The following CFAP58 variants were observed in gnomAD, a reference collection of about 807,000 sequenced individuals.
CFAP58 encodes the protein cilia and flagella associated protein 58, also known as cilia- and flagella-associated protein 58.
Under a neutral mutation model 119.5 loss-of-function variants are expected in CFAP58, and 88 were observed. The ratio of observed to expected loss-of-function variants is 0.74; its 90% CI spans 0.62 to 0.88. The LOEUF is 0.88. Among genes scored for constraint, CFAP58 ranks in the 40% least tolerant of loss-of-function variants. The pLI is 0.00. For missense variants in CFAP58, 990 were observed against 1,021.2 expected (o/e 0.97, Z 0.42); for synonymous variants, 365 against 366.3 (o/e 1.00, Z 0.04).
chr10:104,430,027 G>C (rs1398885748), intron 15 of CFAP58, among the ~76,000 whole-genome samples: 1 of 152,168 alleles, frequency 6.6e-6, no homozygotes, highest in Non-Finnish European at 1.5e-5. Flanking sequence ...GTGAGGGGTG[G>C]ATAGATGGGC....
chr10:104,378,069 T>C (rs2011706972), intron 8 of CFAP58, among the ~76,000 whole-genome samples: 1 of 152,260 alleles, frequency 6.6e-6, no homozygotes, highest in Admixed American at 6.5e-5. Flanking sequence ...TATTTGTTGA[T>C]TTGATTAATG....
intron 6 of CFAP58, among the ~76,000 whole-genome samples, chr10:104,369,806 T>A (rs1213029404): frequency 1.3e-5 from 2 of 152,234 alleles, no homozygotes; most frequent in Non-Finnish European, 2.9e-5. Context: ...TGAGCTGAGA[T>A]AATTGCTAAC....
chr10:104,385,299 A>C (rs966533094), intron 9 of CFAP58, among the ~76,000 whole-genome samples: 1 of 152,182 alleles, frequency 6.6e-6, no homozygotes, highest in Non-Finnish European at 1.5e-5. Flanking sequence ...GTCTAGACTT[A>C]TTGTTGTTGT....
intron 7 of CFAP58, among the ~76,000 whole-genome samples, chr10:104,376,275 TTAGA>T (rs377471550): frequency 9.2e-5 from 14 of 151,816 alleles, no homozygotes; most frequent in African/African-American, 3.4e-4. Flanking sequence ...CCCAGACCTC[TTAGA>T]TAGGAATTTG....
At chr10:104,338,961 A>G in the CFAP58 span, among the ~76,000 whole-genome samples, 2 of 148,520 alleles carry the variant, frequency 1.3e-5, no homozygotes, top group Non-Finnish European at 3.0e-5. Flanking sequence ...GCTGGAGTGC[A>G]ATGGTGGCGC....
At chr10:104,422,116 G>A (rs2012669284) in intron 15 of CFAP58, among the ~76,000 whole-genome samples, 2 of 152,310 alleles carry the variant, frequency 1.3e-5, no homozygotes, top group South Asian at 2.1e-4. Context: ...GAAGGTTGCA[G>A]TGAGTTGAGA....
chr10:104,389,877 C>T (rs960273576), intron 9 of CFAP58, among the ~76,000 whole-genome samples: 5 of 152,112 alleles, frequency 3.3e-5, no homozygotes, highest in East Asian at 1.9e-4. Context: ...AGGCCTAGCT[C>T]ACTTGGGAAA....
chr10:104,376,006 G>C (rs1343625105), intron 7 of CFAP58, among the ~76,000 whole-genome samples: 1 of 152,126 alleles, frequency 6.6e-6, no homozygotes, highest in Admixed American at 6.5e-5. Flanking sequence ...AGGGTACCTG[G>C]CTCTTTTTTG....
chr10:104,366,954 A>G (rs979745051), intron 5 of CFAP58, among the ~76,000 whole-genome samples: 9 of 151,588 alleles, frequency 5.9e-5, no homozygotes, highest in African/African-American at 2.2e-4. Context: ...TGCAACCTCC[A>G]CCTCCTGGGT....
chr10:104,356,169 T>C (rs904665057), intron 1 of CFAP58, among the ~76,000 whole-genome samples: 1 of 152,264 alleles, frequency 6.6e-6, no homozygotes, highest in Non-Finnish European at 1.5e-5. Context: ...AAATTAGTAC[T>C]AAAGTTGTTA....
chr10:104,357,894 TATATGTACACATATACACAC>T (rs1589906272), intron 1 of CFAP58, among the ~76,000 whole-genome samples: 2 of 118,330 alleles, frequency 1.7e-5, no homozygotes, highest in African/African-American at 8.3e-5. Context: ...TATATAAACA[TATATGTACACATATACACAC>T]ATATATGTAC....
In CFAP58 at chr10:104,393,751, A is replaced by T. The variant is rs118064182; in HGVS notation, c.1674+276A>T. Among the ~76,000 whole-genome samples, 1,102 of 152,332 alleles carry T rather than the reference A, an allele frequency of 7.2e-3. 11 individuals are homozygous for T. Among genetic ancestry groups the T allele is most frequent in the South Asian group, 0.053 (256 of 4,832 alleles). On this transcript the variant is annotated intron_variant, in intron 11 of 17. Coordinates refer to ENST00000369704, the MANE Select transcript of CFAP58 (RefSeq NM_001008723.2). ...CTTTCATTTATGCAGGCTATCATACATCAGTGGGAGAGAACCTAGCAGGTT... is the reference window on the plus strand; with the variant it reads ...CTTTCATTTATGCAGGCTATCATACTTCAGTGGGAGAGAACCTAGCAGGTT...
chr10:104,396,386 G>A (rs1341412119), intron 11 of CFAP58, among the ~76,000 whole-genome samples: 1 of 24,016 alleles, frequency 4.2e-5, no homozygotes, highest in Admixed American at 3.0e-4. Context: ...GAGAGAGAGA[G>A]AGAGAGAGAG....
chr10:104,368,858 A>G (rs2014786999), intron 6 of CFAP58, among the ~76,000 whole-genome samples: 1 of 152,226 alleles, frequency 6.6e-6, no homozygotes, highest in South Asian at 2.1e-4. Context: ...GCTCAAATCT[A>G]GCAATCCATT....
chr10:104,358,255 T>C, intron 1 of CFAP58, 86 bp from the exon 2 acceptor site: 1 of 1,380,402 alleles, frequency 7.2e-7, no homozygotes, highest in Non-Finnish European at 9.7e-7. Context: ...TGGAGGTGTT[T>C]CATTCAGAGG....
Position 104,454,641 on chromosome 10 carries a change from A to T in CFAP58, c.*111A>T, listed in dbSNP as rs562826030. 6.7e-6 allele frequency: 5 copies of T among 745,804 alleles called. No homozygotes were observed. Among genetic ancestry groups the T allele is most frequent in the South Asian group, 4.8e-5 (3 of 62,526 alleles). The allele number at this position is 745,804 out of a possible 1,614,324, so 46.2% of individuals were successfully genotyped here. ...TAGAACTGAGTGCTGAGAATCCAGG[A>T]TGGAAAGAAATGCAGAACTATCATA... On this transcript the variant is annotated 3_prime_UTR_variant, in exon 18 of 18. Transcript: ENST00000369704.
chr10:104,396,664 C>T (rs188030799), intron 11 of CFAP58, among the ~76,000 whole-genome samples: 141 of 152,268 alleles, frequency 9.3e-4, no homozygotes, highest in African/African-American at 3.3e-3. Context: ...ATGCCTTTTG[C>T]AAAATTGTAT....
intron 15 of CFAP58, among the ~76,000 whole-genome samples, chr10:104,442,547 C>T (rs1441595474): frequency 6.8e-6 from 1 of 146,976 alleles, no homozygotes. Context: ...GAGATGGTGC[C>T]ATTGCACTCC....
intron 15 of CFAP58, among the ~76,000 whole-genome samples, chr10:104,431,454 T>C (rs937141147): frequency 6.6e-6 from 1 of 152,214 alleles, no homozygotes; most frequent in East Asian, 1.9e-4. Context: ...TAGAATAAAC[T>C]ATAAATATAT....
Sources: gnomAD v4.1 joint callset for allele counts (sites outside exome capture counted in the v4.1 genomes callset) on GRCh38, gnomAD v4.1.1 for gene constraint, MANE v1.5 for transcripts, NCBI Gene and HGNC (gene_info 2026-07-23, HGNC 2026-07-21) for gene names.